HMGCLL1: variants seen among roughly 807,000 people sequenced by gnomAD.
HMGCLL1 encodes 3-hydroxy-3-methylglutaryl-CoA lyase like 1.
HMGCLL1 carries 36 observed loss-of-function variants against 39.1 expected under a neutral mutation model. The observed-to-expected ratio is 0.92, with a 90% CI of 0.71 to 1.22. HMGCLL1 has a LOEUF of 1.22. Ranked by LOEUF, HMGCLL1 falls within the 50% of genes most tolerant of loss-of-function variation. The probability of loss-of-function intolerance (pLI) is 0.00; values close to 1 mark genes in which losing one functional copy is unlikely to be tolerated. For synonymous variants in HMGCLL1, 149 were observed against 144.0 expected, an observed-to-expected ratio of 1.03 and a Z score of -0.25; for missense variants, 451 against 416.5, an observed-to-expected ratio of 1.08 and a Z score of -0.72.
chr6:55,446,304 A>T (rs1302472177), intron 7 of HMGCLL1, among the ~76,000 whole-genome samples: 1 of 148,346 alleles, frequency 6.7e-6, no homozygotes, highest in Admixed American at 6.8e-5. Flanking sequence ...TATAACATAC[A>T]TAATATATAA....
intron 1 of HMGCLL1, among the ~76,000 whole-genome samples, chr6:55,576,840 G>A (rs1771782371): frequency 6.6e-6 from 1 of 152,172 alleles, no homozygotes; most frequent in Admixed American, 6.5e-5. Context: ...TCCAGTGTTG[G>A]AAGAAGTAGA....
intron 1 of HMGCLL1, among the ~76,000 whole-genome samples, chr6:55,576,220 G>A (rs1011675859): frequency 6.6e-6 from 1 of 152,208 alleles, no homozygotes; most frequent in African/African-American, 2.4e-5. Context: ...GATTTCACGA[G>A]AGGGTAACAT....
chr6:55,439,371 G>C, intron 8 of HMGCLL1, 63 bp downstream of exon 8: 1 of 1,519,720 alleles, frequency 6.6e-7, no homozygotes, highest in Non-Finnish European at 9.0e-7. Flanking sequence ...CCACATCTTA[G>C]AAGCTTTGCA....
At chr6:55,600,175 G>GA in the HMGCLL1 span, among the ~76,000 whole-genome samples, 3,057 of 151,604 alleles carry the variant, frequency 0.02, 102 homozygotes, top group African/African-American at 0.069. Flanking sequence ...TTTCACTTCT[G>GA]AAAAAAAGGC....
At chr6:55,439,713 G>C (rs1200673379) in intron 7 of HMGCLL1, 154 bp from the exon 8 acceptor site, 3 of 642,086 alleles carry the variant, frequency 4.7e-6, no homozygotes, top group Non-Finnish European at 7.5e-6. Flanking sequence ...ATGGTCCCCA[G>C]GGTGCTTATT....
chr6:55,539,712 G>C (rs577353645), intron 3 of HMGCLL1, among the ~76,000 whole-genome samples: 5 of 151,316 alleles, frequency 3.3e-5, no homozygotes, highest in Non-Finnish European at 5.9e-5. Flanking sequence ...AGAGTTGAGG[G>C]GGGGAGGAGG....
At chr6:55,580,926 G>A (rs1490591846), upstream of HMGCLL1, among the ~76,000 whole-genome samples, 1 of 152,130 alleles carries the variant, frequency 6.6e-6, no homozygotes, top group Admixed American at 6.6e-5. Flanking sequence ...GAAATGGACG[G>A]TACTGGTTAT....
At chr6:55,570,827 A>G (rs566565727) in intron 1 of HMGCLL1, among the ~76,000 whole-genome samples, 134 of 152,328 alleles carry the variant, frequency 8.8e-4, no homozygotes, top group Non-Finnish European at 1.5e-3. Context: ...ACCTGAGACT[A>G]GCTAAATTAT....
At chr6:55,641,509 A>C in the HMGCLL1 span, among the ~76,000 whole-genome samples, 1 of 152,062 alleles carries the variant, frequency 6.6e-6, no homozygotes, top group East Asian at 1.9e-4. Flanking sequence ...CACATGCACA[A>C]ATAGATATGC....
At chr6:55,501,493 G>A (rs1041467794) in intron 5 of HMGCLL1, among the ~76,000 whole-genome samples, 5 of 151,798 alleles carry the variant, frequency 3.3e-5, no homozygotes, top group Admixed American at 1.3e-4. Context: ...AAGTCAAGCT[G>A]CTTTTCCTGA....
the HMGCLL1 span, among the ~76,000 whole-genome samples, chr6:55,652,291 G>A: frequency 6.6e-6 from 1 of 151,556 alleles, no homozygotes; most frequent in Non-Finnish European, 1.5e-5. Context: ...TTTTAGCCAA[G>A]AGGACTTCAA....
chr6:55,456,059 A>C (rs922148248), intron 7 of HMGCLL1, among the ~76,000 whole-genome samples: 1 of 152,226 alleles, frequency 6.6e-6, no homozygotes, highest in African/African-American at 2.4e-5. Context: ...CCAAGCAAAG[A>C]TATAGTGACT....
chr6:55,643,232 G>A, the HMGCLL1 span, among the ~76,000 whole-genome samples: 4 of 152,066 alleles, frequency 2.6e-5, no homozygotes, highest in African/African-American at 9.7e-5. Flanking sequence ...TTTCCACAAT[G>A]ATTGAACTAA....
At chr6:55,639,558 G>A in the HMGCLL1 span, among the ~76,000 whole-genome samples, 1 of 151,884 alleles carries the variant, frequency 6.6e-6, no homozygotes, top group Non-Finnish European at 1.5e-5. Context: ...CTATGAAAGA[G>A]CATATCATAA....
chr6:55,583,455 T>C (rs912280730), upstream of HMGCLL1, among the ~76,000 whole-genome samples: 1 of 152,106 alleles, frequency 6.6e-6, no homozygotes, highest in Non-Finnish European at 1.5e-5. Flanking sequence ...GTTTGGTTTT[T>C]TGTCCTTGCG....
intron 1 of HMGCLL1, among the ~76,000 whole-genome samples, chr6:55,569,623 T>G (rs554972936): frequency 6.6e-6 from 1 of 152,274 alleles, no homozygotes; most frequent in East Asian, 1.9e-4. Flanking sequence ...AAGGATTAAA[T>G]GAGCTACTGG....
At chr6:55,526,579 C>T (rs1322486323) in intron 3 of HMGCLL1, among the ~76,000 whole-genome samples, 4 of 151,886 alleles carry the variant, frequency 2.6e-5, no homozygotes, top group South Asian at 2.1e-4. Flanking sequence ...TATTCTAATT[C>T]GAATTCACTT....
At chr6:55,661,215 T>C in the HMGCLL1 span, among the ~76,000 whole-genome samples, 1 of 151,992 alleles carries the variant, frequency 6.6e-6, no homozygotes, top group Non-Finnish European at 1.5e-5. Context: ...TTCTCTTAAG[T>C]TTAATTGGAT....
chr6:55,537,917 A>G (rs13203519), intron 3 of HMGCLL1, among the ~76,000 whole-genome samples: 7,062 of 152,256 alleles, frequency 0.046, 243 homozygotes, highest in Non-Finnish European at 0.074. Flanking sequence ...AGAATAAATC[A>G]TATCATTTTA....
Sources: gnomAD v4.1 joint callset for allele counts (sites outside exome capture counted in the v4.1 genomes callset) on GRCh38, gnomAD v4.1.1 for gene constraint, MANE v1.5 for transcripts, NCBI Gene and HGNC (gene_info 2026-07-23, HGNC 2026-07-21) for gene names.